SNTG1: variants seen among roughly 807,000 people sequenced by gnomAD.
SNTG1 encodes the protein gamma-1-syntrophin.
SNTG1 carries 39 observed loss-of-function variants against 74.7 expected under a neutral mutation model. That is an observed-to-expected ratio of 0.52 (90% CI 0.40 to 0.68). SNTG1 has a LOEUF of 0.68. SNTG1 is among the 30% of genes least tolerant of loss of function. The pLI, the probability that SNTG1 is intolerant of heterozygous loss-of-function variation, is 0.00. For missense variants in SNTG1, 685 were observed against 609.5 expected, an observed-to-expected ratio of 1.12 and a Z score of -1.30; for synonymous variants, 254 against 217.1, an observed-to-expected ratio of 1.17 and a Z score of -1.49.
chr8:50,294,795 A>G (rs1416547214), intron 2 of SNTG1, among the ~76,000 whole-genome samples: 2 of 152,186 alleles, frequency 1.3e-5, no homozygotes, highest in Non-Finnish European at 2.9e-5. Flanking sequence ...TAAGCATCAT[A>G]ATACTCTACT....
intron 1 of SNTG1, among the ~76,000 whole-genome samples, chr8:50,034,332 C>T (rs541898882): frequency 1.3e-5 from 2 of 152,320 alleles, no homozygotes; most frequent in South Asian, 4.1e-4. Flanking sequence ...GATGATGCAA[C>T]ATTGGTGAAA....
chr8:50,284,731 G>A (rs996200682), intron 2 of SNTG1, among the ~76,000 whole-genome samples: 5 of 152,000 alleles, frequency 3.3e-5, no homozygotes, highest in African/African-American at 1.2e-4. Flanking sequence ...ACAGAGTAAA[G>A]AACATAAATG....
intron 2 of SNTG1, among the ~76,000 whole-genome samples, chr8:50,308,289 A>G (rs1265984232): frequency 1.3e-5 from 2 of 151,938 alleles, no homozygotes; most frequent in South Asian, 4.1e-4. Context: ...AGTTCCTATT[A>G]GTGGGATTAG....
chr8:50,443,287 C>A (rs2093375376), intron 5 of SNTG1, among the ~76,000 whole-genome samples: 1 of 151,982 alleles, frequency 6.6e-6, no homozygotes, highest in South Asian at 2.1e-4. Flanking sequence ...TAAAAATTTA[C>A]CTTTGAGGGA....
chr8:50,632,421 A>G (rs1052903805), intron 13 of SNTG1, among the ~76,000 whole-genome samples: 6 of 151,846 alleles, frequency 4.0e-5, no homozygotes, highest in Non-Finnish European at 8.8e-5. Context: ...AATGAACCGT[A>G]TGTCTCAGAA....
At chr8:50,535,387 A>C (rs2094300370) in intron 10 of SNTG1, among the ~76,000 whole-genome samples, 1 of 152,154 alleles carries the variant, frequency 6.6e-6, no homozygotes, top group Non-Finnish European at 1.5e-5. Context: ...TGACATGAAG[A>C]TCTGACCTCA....
intron 1 of SNTG1, among the ~76,000 whole-genome samples, chr8:49,976,570 G>A (rs1446962822): frequency 6.6e-6 from 1 of 152,164 alleles, no homozygotes; most frequent in Non-Finnish European, 1.5e-5. Flanking sequence ...TAAATGTCAT[G>A]CCAAAAGAAA....
intron 9 of SNTG1, among the ~76,000 whole-genome samples, chr8:50,514,240 C>T (rs1489035178): frequency 6.6e-6 from 1 of 151,984 alleles, no homozygotes; most frequent in African/African-American, 2.4e-5. Context: ...AATGGCTCTC[C>T]TTCTGCTACC....
At chr8:50,094,564 C>T (rs2079858462) in intron 1 of SNTG1, among the ~76,000 whole-genome samples, 1 of 151,716 alleles carries the variant, frequency 6.6e-6, no homozygotes, top group African/African-American at 2.4e-5. Flanking sequence ...TACATGTGGC[C>T]AATAAGCATA....
intron 1 of SNTG1, among the ~76,000 whole-genome samples, chr8:50,005,819 TCTA>T (rs1310138888): frequency 1.3e-5 from 2 of 152,062 alleles, no homozygotes; most frequent in African/African-American, 2.4e-5. Context: ...TATTTTTCTC[TCTA>T]CTGTTTCCAA....
intron 1 of SNTG1, among the ~76,000 whole-genome samples, chr8:50,040,568 T>G (rs1399915574): frequency 6.6e-6 from 1 of 152,166 alleles, no homozygotes; most frequent in East Asian, 1.9e-4. Flanking sequence ...GCAGGTAAAT[T>G]CACAAGTAAG....
intron 1 of SNTG1, among the ~76,000 whole-genome samples, chr8:50,116,432 C>T (rs892806205): frequency 6.6e-6 from 1 of 152,232 alleles, no homozygotes; most frequent in East Asian, 1.9e-4. Context: ...ATGATTTTTA[C>T]CCACCCTTTG....
chr8:50,442,734 A>T (rs2131588140), intron 5 of SNTG1, among the ~76,000 whole-genome samples: 1 of 151,630 alleles, frequency 6.6e-6, no homozygotes, highest in South Asian at 2.1e-4. Context: ...ACTTTTCACA[A>T]AAATTTCAAC....
intron 18 of SNTG1, among the ~76,000 whole-genome samples, chr8:50,787,990 T>A (rs937371151): frequency 1.3e-5 from 2 of 152,034 alleles, no homozygotes; most frequent in African/African-American, 4.8e-5. Flanking sequence ...TATTATAGTA[T>A]GTGAACTATA....
intron 13 of SNTG1, among the ~76,000 whole-genome samples, chr8:50,632,637 A>G (rs2095009275): frequency 6.6e-6 from 1 of 152,204 alleles, no homozygotes; most frequent in Non-Finnish European, 1.5e-5. Context: ...TATTAGGTTA[A>G]GAAAAATATA....
intron 1 of SNTG1, among the ~76,000 whole-genome samples, chr8:50,152,920 T>C (rs2082119343): frequency 1.3e-5 from 2 of 152,272 alleles, no homozygotes; most frequent in East Asian, 1.9e-4. Flanking sequence ...TTTGTGGTGT[T>C]CTCTGTATTT....
intron 2 of SNTG1, among the ~76,000 whole-genome samples, chr8:50,183,035 G>A (rs1280561870): frequency 2.0e-5 from 3 of 152,040 alleles, no homozygotes; most frequent in Non-Finnish European, 4.4e-5. Flanking sequence ...TCCTCTCACG[G>A]TTTGCCCCAA....
At chr8:50,510,866 G>T (rs888421947) in intron 9 of SNTG1, among the ~76,000 whole-genome samples, 4 of 152,136 alleles carry the variant, frequency 2.6e-5, no homozygotes, top group Middle Eastern at 3.4e-3. Context: ...CAAAAAACCA[G>T]CTCCTGGATT....
intron 15 of SNTG1, among the ~76,000 whole-genome samples, chr8:50,663,952 C>T (rs761612100): frequency 5.3e-5 from 8 of 152,074 alleles, no homozygotes; most frequent in Non-Finnish European, 1.0e-4. Context: ...ACATAAACAG[C>T]AATTCTATCC....
Sources: gnomAD v4.1 joint callset for allele counts (sites outside exome capture counted in the v4.1 genomes callset) on GRCh38, gnomAD v4.1.1 for gene constraint, MANE v1.5 for transcripts, NCBI Gene and HGNC (gene_info 2026-07-23, HGNC 2026-07-21) for gene names.